Variants in GALNT16 observed in about 807,000 individuals in gnomAD.
The protein encoded by GALNT16 is UDP-GalNAc:polypeptide N-acetylgalactosaminyltransferase-like protein 1.
Under a neutral mutation model 76.1 loss-of-function variants are expected in GALNT16, and 40 were observed. That is an observed-to-expected ratio of 0.53 (90% CI 0.41 to 0.68). The LOEUF (loss-of-function observed/expected upper bound fraction) is 0.68, where lower values mean the gene tolerates loss of function less well. Ranked by LOEUF, GALNT16 falls within the 30% of genes least tolerant of loss-of-function variation. The pLI is 0.00. For missense variants in GALNT16, 621 were observed against 731.9 expected (o/e 0.85, Z 1.75); for synonymous variants, 276 against 285.2 (o/e 0.97, Z 0.32).
At chr14:69,321,071 C>T (rs1043888599) in intron 2 of GALNT16, among the ~76,000 whole-genome samples, 7 of 152,222 alleles carry the variant, frequency 4.6e-5, no homozygotes, top group Admixed American at 2.6e-4. Flanking sequence ...GAAACCGCTC[C>T]GCTGGGGCCA....
chr14:69,378,331 G>A, the GALNT16 span, among the ~76,000 whole-genome samples: 3 of 152,100 alleles, frequency 2.0e-5, no homozygotes, highest in Non-Finnish European at 2.9e-5. Flanking sequence ...TTAGAGAATC[G>A]GAAATTGTAT....
chr14:69,311,698 C>T (rs932838248), intron 1 of GALNT16, among the ~76,000 whole-genome samples: 1 of 152,186 alleles, frequency 6.6e-6, no homozygotes, highest in Non-Finnish European at 1.5e-5. Context: ...TCGGCCACTA[C>T]TCTGTTTTTG....
chr14:69,310,705 G>GA (rs1425154226), intron 1 of GALNT16, among the ~76,000 whole-genome samples: 2 of 152,152 alleles, frequency 1.3e-5, no homozygotes, highest in Non-Finnish European at 2.9e-5. Context: ...CTGATGGAAT[G>GA]AAACTGCCTT....
chr14:69,265,290 C>T (rs574222530), intron 1 of GALNT16, among the ~76,000 whole-genome samples: 17 of 152,238 alleles, frequency 1.1e-4, no homozygotes, highest in Non-Finnish European at 2.1e-4. Context: ...TCCAAGGGCA[C>T]GGGACTAGCT....
chr14:69,386,098 A>G, the GALNT16 span, among the ~76,000 whole-genome samples: 1 of 152,238 alleles, frequency 6.6e-6, no homozygotes, highest in Non-Finnish European at 1.5e-5. Flanking sequence ...GTTCTGAGTG[A>G]TCAAAGTGAA....
chr14:69,295,801 G>C (rs1038663224), intron 1 of GALNT16, among the ~76,000 whole-genome samples: 1 of 151,566 alleles, frequency 6.6e-6, no homozygotes, highest in Non-Finnish European at 1.5e-5. Flanking sequence ...TTTTTCTGGA[G>C]TACTTAATTT....
At chr14:69,346,920 G>C in intron 12 of GALNT16, 120 bp from the exon 13 acceptor site, 1 of 1,204,706 alleles carries the variant, frequency 8.3e-7, no homozygotes, top group Admixed American at 1.7e-5. Flanking sequence ...GGCTGCTCCC[G>C]GGCCCCTTCC....
downstream of GALNT16, chr14:69,355,000 C>T (rs1457739516): frequency 1.3e-5 from 2 of 152,254 alleles, no homozygotes; most frequent in Non-Finnish European, 2.9e-5. Context: ...ACCAGACCAG[C>T]TTTGCTTGAT....
intron 1 of GALNT16, among the ~76,000 whole-genome samples, chr14:69,307,826 C>T (rs1393167415): frequency 1.3e-5 from 2 of 152,202 alleles, no homozygotes; most frequent in Non-Finnish European, 2.9e-5. Context: ...GTACCAGCCT[C>T]CTGGGAGTGT....
intron 1 of GALNT16, among the ~76,000 whole-genome samples, chr14:69,313,473 T>C (rs923707434): frequency 6.6e-6 from 1 of 152,102 alleles, no homozygotes. Flanking sequence ...TAGCCTTAGG[T>C]AGAGGACCCT....
chr14:69,331,372 G>T (rs549773419), intron 6 of GALNT16, 92 bp from the exon 7 acceptor site: 6 of 759,334 alleles, frequency 7.9e-6, no homozygotes, highest in East Asian at 7.4e-5. Context: ...AGTGCCCCAT[G>T]TCTCAGAGAG....
intron 1 of GALNT16, among the ~76,000 whole-genome samples, chr14:69,278,984 T>C (rs1001829777): frequency 6.6e-6 from 1 of 151,290 alleles, no homozygotes; most frequent in Admixed American, 6.6e-5. Flanking sequence ...GAGGCTGGGG[T>C]GCAGTGGCAC....
chr14:69,332,139 T>C (rs892669456), intron 7 of GALNT16, among the ~76,000 whole-genome samples: 1 of 152,280 alleles, frequency 6.6e-6, no homozygotes, highest in Non-Finnish European at 1.5e-5. Context: ...TAATTTTTTG[T>C]ATTGATTACA....
intron 1 of GALNT16, among the ~76,000 whole-genome samples, chr14:69,286,997 G>A (rs942236162): frequency 2.1e-4 from 32 of 152,164 alleles, no homozygotes; most frequent in African/African-American, 7.7e-4. Flanking sequence ...GCCTGCCACA[G>A]AACACACGGC....
At chr14:69,344,003 C>T (rs1286243201) in intron 12 of GALNT16, among the ~76,000 whole-genome samples, 1 of 152,214 alleles carries the variant, frequency 6.6e-6, no homozygotes, top group Non-Finnish European at 1.5e-5. Context: ...TACTCACCCC[C>T]AGTTCCTAGG....
intron 1 of GALNT16, among the ~76,000 whole-genome samples, chr14:69,277,305 G>A (rs2044484403): frequency 2.0e-5 from 3 of 152,168 alleles, no homozygotes; most frequent in Non-Finnish European, 4.4e-5. Flanking sequence ...CATGTGCCAT[G>A]TTGGTGTGCT....
chr14:69,265,543 C>G (rs2044332127), intron 1 of GALNT16, among the ~76,000 whole-genome samples: 1 of 152,192 alleles, frequency 6.6e-6, no homozygotes, highest in African/African-American at 2.4e-5. Flanking sequence ...ATGGAGGAAG[C>G]TTCTCTGAGG....
chr14:69,286,496 G>A (rs2044614068), intron 1 of GALNT16, among the ~76,000 whole-genome samples: 1 of 152,012 alleles, frequency 6.6e-6, no homozygotes, highest in African/African-American at 2.4e-5. Flanking sequence ...TAGAGATGGG[G>A]TTTCACCATG....
At chr14:69,315,383 A>G (rs758421498) in intron 1 of GALNT16, among the ~76,000 whole-genome samples, 3 of 152,234 alleles carry the variant, frequency 2.0e-5, no homozygotes, top group Non-Finnish European at 4.4e-5. Context: ...GCAACTGTCT[A>G]AACATCAGCC....
Sources: allele counts gnomAD v4.1 joint callset (sites outside exome capture counted in the v4.1 genomes callset), GRCh38; gene constraint gnomAD v4.1.1; transcripts MANE v1.5; gene names NCBI Gene and HGNC (gene_info 2026-07-23, HGNC 2026-07-21).